Variants in TMEM171 observed in about 807,000 individuals in gnomAD.
TMEM171 encodes proline-rich protein PRP2.
In TMEM171, 16 loss-of-function variants were observed where a neutral mutation model predicts 19.1. That is an observed-to-expected ratio of 0.84 (90% CI 0.57 to 1.27). TMEM171 has a LOEUF of 1.27. TMEM171 is among the 50% of genes most tolerant of loss of function. The pLI is 0.00. For synonymous variants in TMEM171, 153 were observed against 163.4 expected (o/e 0.94, Z 0.48); for missense variants, 429 against 412.7 (o/e 1.04, Z -0.34).
intron 3 of TMEM171, among the ~76,000 whole-genome samples, chr5:73,131,321 G>C (rs907896001): frequency 1.3e-5 from 2 of 152,108 alleles, no homozygotes; most frequent in African/African-American, 4.8e-5. Context: ...ATGACAGCAG[G>C]AGTGAGACTG....
rs377714460 is a variant in TMEM171, at chr5:73,123,754, C to T, written c.381C>T (p.Ser127=). The T allele has an allele frequency of 4.3e-6, 7 of 1,613,974 alleles. No homozygotes were observed. The Admixed American group carries it at 5.0e-5, about 12-fold the overall frequency. Residue 127 remains serine (S), a synonymous_variant, in exon 2 of 4, where the codon AGC becomes AGT. Coordinates refer to ENST00000454765, the MANE Select transcript of TMEM171 (RefSeq NM_173490.8). ...TCTTGACAAGCGGCATGCTCATCAGCGTCCTGGGCATTTGGGTCCCTGGAT... is the reference window on the plus strand; with the variant it reads ...TCTTGACAAGCGGCATGCTCATCAGTGTCCTGGGCATTTGGGTCCCTGGAT... ...FLFLTSGMLI[S]VLGIWVPGCG... is the part of the protein sequence containing the mutation.
chr5:73,130,127 G>C (rs558678719), intron 3 of TMEM171, among the ~76,000 whole-genome samples: 1 of 152,112 alleles, frequency 6.6e-6, no homozygotes. Context: ...TGATGGTGGC[G>C]GTACAGTGAG....
rs1221306592 is a variant in TMEM171 at position 73,128,439 on chromosome 5, A to ATC, written c.692_693dup (p.Ser232LeufsTer115). ...CCCCTCCACCACCTTACTTTCCTGA[A>ATC]TCTTCAGCTTCTGCGGTCGCTGAGA... On this transcript the variant is annotated frameshift_variant, in exon 3 of 4. Transcript: ENST00000454765. LOFTEE classifies it high-confidence loss of function. 1 of 1,613,992 alleles carries ATC rather than the reference A, an allele frequency of 6.2e-7. No individual in the cohort carries two copies. The highest frequency in any genetic ancestry group is 8.5e-7 in the Non-Finnish European group (1 of 1,180,034).
chr5:73,127,408 A>ATATATAGATATATATATATATATATAT (rs1561513446), intron 2 of TMEM171, among the ~76,000 whole-genome samples: 1 of 105,928 alleles, frequency 9.4e-6, no homozygotes, highest in African/African-American at 5.1e-5. Context: ...TATATATATA[A>ATATATAGATATATATATATATATATAT]AGCATAAACA....
chr5:73,123,811 C>G lies in TMEM171; in HGVS notation c.438C>G (p.Asn146Lys), dbSNP rs772806692. 1.9e-6 allele frequency: 3 copies of G among 1,612,544 alleles called. No individual in the cohort carries two copies. Among genetic ancestry groups the G allele is most frequent in the Non-Finnish European group, 2.5e-6 (3 of 1,179,014 alleles). The change falls in exon 2 of 4, where the codon AAC (asparagine) becomes AAG (lysine). Residue 146 changes from asparagine (N) to lysine (K), a missense_variant. By Grantham distance (94) the Asn-to-Lys change is moderately conservative. Coordinates refer to ENST00000454765, the MANE Select transcript of TMEM171 (RefSeq NM_173490.8). ...CGSNWAQEPL[N>K]ETDTGDSEPR... The stretch of plus-strand genomic sequence containing the variant: ...CCAACTGGGCGCAGGAACCGCTAAA[C>G]GAGACAGACACTGGCGACTCAGAGC...
chr5:73,130,665 GAA>G (rs915871839), intron 3 of TMEM171, among the ~76,000 whole-genome samples: 1 of 152,124 alleles, frequency 6.6e-6, no homozygotes, highest in Admixed American at 6.5e-5. Flanking sequence ...ATGGGAGAGG[GAA>G]AGAGGTGGCT....
chr5:73,125,488 G>A (rs1036121245), intron 2 of TMEM171, among the ~76,000 whole-genome samples: 2 of 152,208 alleles, frequency 1.3e-5, no homozygotes, highest in African/African-American at 4.8e-5. Flanking sequence ...CACACCCACA[G>A]AATAGCCCTT....
chr5:73,123,846 G>T lies in TMEM171; in HGVS notation c.473G>T (p.Cys158Phe). 1 of 1,613,778 alleles carries T rather than the reference G, an allele frequency of 6.2e-7. No homozygotes were observed. Among genetic ancestry groups the T allele is most frequent in the Non-Finnish European group, 8.5e-7 (1 of 1,179,852 alleles). ...TDTGDSEPRM[C>F]GFLSLQIMGP... ...ACTGGCGACTCAGAGCCCCGGATGT[G>T]TGGGTTCCTTTCTCTGCAGATCATG... is the stretch of plus-strand genomic sequence containing the variant. Residue 158 changes from cysteine (C) to phenylalanine (F), a missense_variant, in exon 2 of 4, where the codon TGT becomes TTT. Physicochemically the swap from Cys to Phe is radical, Grantham distance 205 (BLOSUM62 -2). Transcript: ENST00000454765.
intron 3 of TMEM171, among the ~76,000 whole-genome samples, chr5:73,129,344 G>A (rs1262630390): frequency 6.6e-6 from 1 of 152,178 alleles, no homozygotes; most frequent in African/African-American, 2.4e-5. Context: ...AGGCTGAAGT[G>A]AAGTTACAAA....
intron 3 of TMEM171, 100 bp from the exon 4 acceptor site, chr5:73,131,438 T>C: frequency 1.1e-6 from 1 of 922,144 alleles, no homozygotes; most frequent in South Asian, 2.2e-5. Flanking sequence ...TTGCAAATAC[T>C]CTTAAGTGCA....
At chr5:73,129,993 A>G (rs74600937) in intron 3 of TMEM171, among the ~76,000 whole-genome samples, 1 of 152,256 alleles carries the variant, frequency 6.6e-6, no homozygotes, top group African/African-American at 2.4e-5. Context: ...TGGATGGAGA[A>G]TGACATTGAG....
chr5:73,131,460 A>G, intron 3 of TMEM171, 78 bp from the exon 4 acceptor site: 1 of 1,195,944 alleles, frequency 8.4e-7, no homozygotes, highest in African/African-American at 1.5e-5. Flanking sequence ...GTAATCAAAC[A>G]TTTGAAAAGA....
Position 73,120,665 on chromosome 5 carries a change from C to T in TMEM171, c.-100C>T, listed in dbSNP as rs1743979216. The T allele has an allele frequency of 1.8e-5, 18 of 984,494 alleles. No homozygotes were observed. Among genetic ancestry groups the T allele is most frequent in the Non-Finnish European group, 2.2e-5 (18 of 829,724 alleles). The allele number at this position is 984,494 out of a possible 1,614,324, so 61.0% of individuals were successfully genotyped here. On this transcript the variant is annotated 5_prime_UTR_variant, in exon 1 of 4. Coordinates refer to ENST00000454765, the MANE Select transcript of TMEM171 (RefSeq NM_173490.8). Reference sequence around the variant, plus strand: ...CGCGCCCAGCCAGTGCCCACAGCAGCGCGGTCAGCCAGGCGCCGGACCCAG... The same window carrying T: ...CGCGCCCAGCCAGTGCCCACAGCAGTGCGGTCAGCCAGGCGCCGGACCCAG...
At chr5:73,126,734 A>C (rs1294971161) in intron 2 of TMEM171, among the ~76,000 whole-genome samples, 1 of 152,156 alleles carries the variant, frequency 6.6e-6, no homozygotes, top group Admixed American at 6.5e-5. Context: ...AAAGAATCCT[A>C]TGCCACCCTA....
chr5:73,131,253 G>T (rs1238608220), intron 3 of TMEM171, among the ~76,000 whole-genome samples: 1 of 151,786 alleles, frequency 6.6e-6, no homozygotes. Context: ...GTGTGTCTAT[G>T]TTCTCTTTGG....
At chr5:73,127,384 A>AAAAAT in intron 2 of TMEM171, among the ~76,000 whole-genome samples, 2 of 81,684 alleles carry the variant, frequency 2.4e-5, no homozygotes, top group African/African-American at 1.3e-4. Context: ...AAAAAAAAAA[A>AAAAAT]ATATATATAT....
At chr5:73,128,122 A>G (rs1270498505) in intron 2 of TMEM171, among the ~76,000 whole-genome samples, 1 of 151,356 alleles carries the variant, frequency 6.6e-6, no homozygotes, top group Non-Finnish European at 1.5e-5. Context: ...AATTTCTGGA[A>G]CTCTTCCATT....
rs1254909329 is a variant in TMEM171 at position 73,131,604 on chromosome 5, G to A, written c.849G>A (p.Gly283=). 1 of 1,613,366 alleles carries A rather than the reference G, an allele frequency of 6.2e-7. No homozygotes were observed. The highest frequency in any genetic ancestry group is 8.5e-7 in the Non-Finnish European group (1 of 1,179,902). ...GTGAATCTATATATACCATTTCTGGGACGAATTCATCTTCTGAGGCCTCAC... is the reference window on the plus strand; with the variant it reads ...GTGAATCTATATATACCATTTCTGGAACGAATTCATCTTCTGAGGCCTCAC... The part of the protein sequence containing the change: ...RDCESIYTIS[G]TNSSSEASHT... The change falls in exon 4 of 4, where the codon GGG becomes GGA. Residue 283 remains glycine, a synonymous_variant. Transcript: ENST00000454765.
At chr5:73,120,745 G>T in intron 1 of TMEM171, 49 bp downstream of exon 1, 1 of 983,988 alleles carries the variant, frequency 1.0e-6, no homozygotes, top group South Asian at 4.7e-5. Flanking sequence ...CGGGTCGGGC[G>T]CTGAGCTGTG....
Sources: allele counts gnomAD v4.1 joint callset (sites outside exome capture counted in the v4.1 genomes callset), GRCh38; gene constraint gnomAD v4.1.1; transcripts MANE v1.5; gene names NCBI Gene and HGNC (gene_info 2026-07-23, HGNC 2026-07-21).